The following FNDC3B variants were observed in gnomAD, a reference collection of about 807,000 sequenced individuals.
FNDC3B encodes fibronectin type III domain-containing protein 3B.
Under a neutral mutation model 151.5 loss-of-function variants are expected in FNDC3B, and 12 were observed. The ratio of observed to expected loss-of-function variants is 0.08; its 90% CI spans 0.05 to 0.13. The LOEUF is 0.13. FNDC3B is among the 10% of genes least tolerant of loss of function. The probability of loss-of-function intolerance (pLI) is 1.00; values close to 1 mark genes in which losing one functional copy is unlikely to be tolerated. For synonymous variants in FNDC3B, 528 were observed against 549.0 expected, an observed-to-expected ratio of 0.96 and a Z score of 0.54; for missense variants, 1,214 against 1,505.3, an observed-to-expected ratio of 0.81 and a Z score of 3.20.
At chr3:172,288,123 C>T (rs1730121134) in intron 7 of FNDC3B, among the ~76,000 whole-genome samples, 1 of 152,194 alleles carries the variant, frequency 6.6e-6, no homozygotes, top group African/African-American at 2.4e-5. Flanking sequence ...AATTTGACTT[C>T]CTTGTTGCCA....
chr3:172,207,435 C>T (rs115105407), intron 3 of FNDC3B, among the ~76,000 whole-genome samples: 220 of 152,236 alleles, frequency 1.4e-3, no homozygotes, highest in African/African-American at 4.8e-3. Flanking sequence ...CTACTTGCTG[C>T]TTTTGTGAAC....
At chr3:172,346,287 G>T in intron 19 of FNDC3B, 40 bp from the exon 20 acceptor site, 2 of 1,173,536 alleles carry the variant, frequency 1.7e-6, no homozygotes. Context: ...ACACATACAC[G>T]CATATATACA....
At chr3:172,344,293 G>A in intron 19 of FNDC3B, 35 bp downstream of exon 19, 1 of 1,564,306 alleles carries the variant, frequency 6.4e-7, no homozygotes, top group Non-Finnish European at 8.7e-7. Flanking sequence ...ACCAGAATCA[G>A]AATGCATAAT....
At chr3:172,199,150 A>T (rs1724997078) in intron 3 of FNDC3B, among the ~76,000 whole-genome samples, 2 of 148,572 alleles carry the variant, frequency 1.3e-5, no homozygotes, top group African/African-American at 5.0e-5. Flanking sequence ...TTAATATTCC[A>T]AGGGAAGCTG....
intron 3 of FNDC3B, among the ~76,000 whole-genome samples, chr3:172,159,378 C>T (rs987876204): frequency 1.3e-5 from 2 of 152,226 alleles, no homozygotes; most frequent in Non-Finnish European, 2.9e-5. Flanking sequence ...CCTCCTCCCA[C>T]ACCACATTGT....
chr3:172,395,542 T>A (rs1736230767), intron 25 of FNDC3B, among the ~76,000 whole-genome samples: 2 of 152,202 alleles, frequency 1.3e-5, no homozygotes. Flanking sequence ...AGGTTTGTCA[T>A]ACAGAGATGA....
chr3:172,229,400 T>C (rs1281162632), intron 4 of FNDC3B, among the ~76,000 whole-genome samples: 2 of 152,200 alleles, frequency 1.3e-5, no homozygotes, highest in African/African-American at 2.4e-5. Context: ...TTCTGTTCCC[T>C]AGATACCTTG....
At chr3:172,262,597 T>A (rs896839542) in intron 6 of FNDC3B, among the ~76,000 whole-genome samples, 16 of 152,102 alleles carry the variant, frequency 1.1e-4, no homozygotes, top group Admixed American at 9.2e-4. Context: ...GAGAATTTTT[T>A]TTTTTATTTT....
chr3:172,387,363 G>T (rs1225592886), intron 25 of FNDC3B, among the ~76,000 whole-genome samples: 2 of 152,094 alleles, frequency 1.3e-5, no homozygotes, highest in Admixed American at 6.6e-5. Context: ...CTCCCAAAGT[G>T]CAGGGATTAT....
At chr3:172,278,347 T>C (rs909723589) in intron 6 of FNDC3B, among the ~76,000 whole-genome samples, 1 of 152,310 alleles carries the variant, frequency 6.6e-6, no homozygotes, top group Admixed American at 6.5e-5. Context: ...TTTAATTACC[T>C]TTGTAAGTTG....
intron 3 of FNDC3B, among the ~76,000 whole-genome samples, chr3:172,153,786 G>A (rs1184978232): frequency 3.3e-5 from 5 of 152,204 alleles, no homozygotes; most frequent in Non-Finnish European, 7.3e-5. Flanking sequence ...CATCTGAGAG[G>A]ATGCTTTGAG....
rs931366097 is a variant in FNDC3B, at chr3:172,226,800, C to T, written c.188-71C>T. ...TTAATTATCTTCAGTTTGGATAGTA[C>T]ATTGAAAACATTAATTATTTTGAAT... On this transcript the variant is annotated intron_variant, in intron 3 of 25. Transcript: ENST00000415807. The T allele has an allele frequency of 9.0e-6, 9 of 995,486 alleles. No individual in the cohort carries two copies. The African/African-American group carries it at 9.5e-5, about 11-fold the overall frequency. 61.7% of individuals were successfully genotyped at this position (995,486 alleles called of 1,614,324 possible). A position where few individuals can be genotyped will look rare whatever the true frequency, so the allele number is the denominator to read the frequency against.
chr3:172,104,297 A>T (rs972933771), intron 1 of FNDC3B, among the ~76,000 whole-genome samples: 3 of 152,168 alleles, frequency 2.0e-5, no homozygotes, highest in Admixed American at 6.5e-5. Flanking sequence ...GTCATTTTAT[A>T]AGAGGAAATT....
chr3:172,175,524 T>G (rs78304023), intron 3 of FNDC3B, among the ~76,000 whole-genome samples: 1 of 152,226 alleles, frequency 6.6e-6, no homozygotes, highest in Non-Finnish European at 1.5e-5. Context: ...AGGGGCCATT[T>G]AGAGTATGTG....
At chr3:172,199,898 T>G (rs916002863) in intron 3 of FNDC3B, among the ~76,000 whole-genome samples, 2 of 152,234 alleles carry the variant, frequency 1.3e-5, no homozygotes, top group East Asian at 3.8e-4. Flanking sequence ...ACCACACAGT[T>G]TACAAACAAA....
intron 2 of FNDC3B, 27 bp from the exon 3 acceptor site, chr3:172,133,444 A>G: frequency 6.3e-7 from 1 of 1,575,374 alleles, no homozygotes; most frequent in Non-Finnish European, 8.7e-7. Flanking sequence ...CCAGTATTAA[A>G]CTGAAATTAA....
chr3:172,056,028 G>T (rs1008156513), intron 1 of FNDC3B, among the ~76,000 whole-genome samples: 2 of 152,038 alleles, frequency 1.3e-5, no homozygotes, highest in African/African-American at 2.4e-5. Context: ...TGATCCGCCC[G>T]CCTCGGCCTC....
chr3:172,357,474 C>G (rs921985509), intron 22 of FNDC3B, among the ~76,000 whole-genome samples: 2 of 152,162 alleles, frequency 1.3e-5, no homozygotes, highest in Non-Finnish European at 2.9e-5. Context: ...ATTAATAAAA[C>G]TTAAAGTTTA....
intron 3 of FNDC3B, among the ~76,000 whole-genome samples, chr3:172,157,820 T>G (rs1722571394): frequency 6.6e-6 from 1 of 152,216 alleles, no homozygotes; most frequent in African/African-American, 2.4e-5. Flanking sequence ...ACATGACTTT[T>G]AGTTTTTTGG....
Sources: allele counts gnomAD v4.1 joint callset (sites outside exome capture counted in the v4.1 genomes callset), GRCh38; gene constraint gnomAD v4.1.1; transcripts MANE v1.5; gene names NCBI Gene and HGNC (gene_info 2026-07-23, HGNC 2026-07-21).